PDE6C: variants seen among roughly 807,000 people sequenced by gnomAD.
The protein encoded by PDE6C is cone cGMP-specific 3',5'-cyclic phosphodiesterase subunit alpha'.
A neutral mutation model predicts 113.1 loss-of-function variants in PDE6C; 75 were observed. The observed-to-expected ratio is 0.66, with a 90% CI of 0.55 to 0.80. The LOEUF (loss-of-function observed/expected upper bound fraction) is 0.80, where lower values mean the gene tolerates loss of function less well. Among genes scored for constraint, PDE6C ranks in the 30% least tolerant of loss-of-function variants. The pLI, the probability that PDE6C is intolerant of heterozygous loss-of-function variation, is 0.00. For synonymous variants in PDE6C, 375 were observed against 363.7 expected, an observed-to-expected ratio of 1.03 and a Z score of -0.35; for missense variants, 912 against 1,038.6, an observed-to-expected ratio of 0.88 and a Z score of 1.67.
chr10:93,665,922 T>C lies in PDE6C; in HGVS notation c.*504T>C. 5.2e-6 allele frequency: 1 copy of C among 193,032 alleles called. No homozygotes were observed. The highest frequency in any genetic ancestry group is 1.1e-5 in the Non-Finnish European group (1 of 94,478). 12.0% of individuals were successfully genotyped at this position (193,032 alleles called of 1,614,324 possible). ...TCTGTGTGTCTGTGTCCTAATCTCC[T>C]TTTCTTATAAGGACTCCAGTAGGAC... On this transcript the variant is annotated 3_prime_UTR_variant, in exon 22 of 22. Coordinates refer to ENST00000371447, the MANE Select transcript of PDE6C (RefSeq NM_006204.4).
At chr10:93,613,286 T>C in intron 1 of PDE6C, 81 bp downstream of exon 1, 1 of 1,577,528 alleles carries the variant, frequency 6.3e-7, no homozygotes, top group Non-Finnish European at 8.6e-7. Flanking sequence ...AGTGCTATCC[T>C]TGTGGCATTA....
intron 18 of PDE6C, among the ~76,000 whole-genome samples, chr10:93,660,422 T>G (rs1458007978): frequency 6.6e-6 from 1 of 152,162 alleles, no homozygotes; most frequent in Admixed American, 6.5e-5. Context: ...GTTCAGATTC[T>G]TCTTGGCATC....
intron 21 of PDE6C, 59 bp downstream of exon 21, chr10:93,663,237 T>G: frequency 6.5e-7 from 1 of 1,535,650 alleles, no homozygotes; most frequent in Admixed American, 1.8e-5. Flanking sequence ...CTGAGCTTAA[T>G]GGCATGTGAC....
At chr10:93,620,212 A>G (rs558229083) in intron 1 of PDE6C, among the ~76,000 whole-genome samples, 1 of 152,266 alleles carries the variant, frequency 6.6e-6, no homozygotes, top group South Asian at 2.1e-4. Context: ...TTTCAAGTGC[A>G]TGTTTTCCCT....
intron 14 of PDE6C, among the ~76,000 whole-genome samples, chr10:93,641,403 C>G (rs1450571357): frequency 1.3e-5 from 2 of 151,956 alleles, no homozygotes; most frequent in Non-Finnish European, 2.9e-5. Flanking sequence ...GAGAGTGAGG[C>G]GGGCGGATCA....
chr10:93,648,875 T>C (rs2058596343), intron 15 of PDE6C, among the ~76,000 whole-genome samples: 1 of 152,220 alleles, frequency 6.6e-6, no homozygotes, highest in Non-Finnish European at 1.5e-5. Context: ...ATTTATGCTT[T>C]TTCATATCAA....
At chr10:93,645,646 C>A (rs2058580413) in intron 14 of PDE6C, among the ~76,000 whole-genome samples, 1 of 152,018 alleles carries the variant, frequency 6.6e-6, no homozygotes, top group African/African-American at 2.4e-5. Context: ...CACATGTTTG[C>A]TATATGTTTT....
intron 15 of PDE6C, among the ~76,000 whole-genome samples, chr10:93,652,752 C>T (rs142130222): frequency 1.2e-3 from 186 of 152,166 alleles, no homozygotes; most frequent in South Asian, 3.5e-3. Flanking sequence ...CAACAAGTGT[C>T]CAGGTTTACA....
At chr10:93,636,158 G>C (rs1017218649) in intron 10 of PDE6C, among the ~76,000 whole-genome samples, 1 of 152,148 alleles carries the variant, frequency 6.6e-6, no homozygotes, top group African/African-American at 2.4e-5. Context: ...AAGTGCAAGA[G>C]AGCAAACCTA....
chr10:93,653,971 T>A (rs879697575), intron 15 of PDE6C, among the ~76,000 whole-genome samples: 1 of 152,250 alleles, frequency 6.6e-6, no homozygotes, highest in African/African-American at 2.4e-5. Flanking sequence ...TATTGCTTTC[T>A]AATATTTCAA....
Position 93,657,685 on chromosome 10 carries a change from C to G in PDE6C, c.2037-1216C>G, listed in dbSNP as rs74154004. Among the ~76,000 whole-genome samples the G allele has an allele frequency of 6.2e-3, 946 of 152,222 alleles. 9 individuals are homozygous for G. The highest frequency in any genetic ancestry group is 0.022 in the African/African-American group (912 of 41,534). ...ATTTACCCAGTCTTCTATTCATAGA[C>G]ATTTCAATTGTTTCTAATTTTTCAT... On this transcript the variant is annotated intron_variant, in intron 16 of 21. Transcript: ENST00000371447.
chr10:93,625,209 C>G (rs1589694486), intron 4 of PDE6C, among the ~76,000 whole-genome samples: 1 of 152,296 alleles, frequency 6.6e-6, no homozygotes, highest in Non-Finnish European at 1.5e-5. Flanking sequence ...TTTTGCCACT[C>G]TGTGTGACCT....
chr10:93,618,260 T>G (rs2058429478), intron 1 of PDE6C, among the ~76,000 whole-genome samples: 1 of 152,186 alleles, frequency 6.6e-6, no homozygotes, highest in South Asian at 2.1e-4. Flanking sequence ...TTCCTAGTAC[T>G]TACTGAATAC....
chr10:93,624,666 G>A (rs2058463797), intron 4 of PDE6C, among the ~76,000 whole-genome samples: 1 of 152,186 alleles, frequency 6.6e-6, no homozygotes, highest in Non-Finnish European at 1.5e-5. Context: ...CTTTGTAGCT[G>A]AGTATGTTGG....
chr10:93,632,114 C>T (rs2058504701), intron 8 of PDE6C, among the ~76,000 whole-genome samples: 1 of 152,222 alleles, frequency 6.6e-6, no homozygotes, highest in Non-Finnish European at 1.5e-5. Context: ...CACCATCACT[C>T]TGACCTTGCT....
At chr10:93,648,952 C>A (rs1325562370) in intron 15 of PDE6C, among the ~76,000 whole-genome samples, 1 of 152,134 alleles carries the variant, frequency 6.6e-6, no homozygotes, top group African/African-American at 2.4e-5. Context: ...TGTGTACTGG[C>A]ACTAGCAAGG....
chr10:93,654,769 TC>T, intron 15 of PDE6C, among the ~76,000 whole-genome samples: 1 of 46,800 alleles, frequency 2.1e-5, no homozygotes, highest in South Asian at 8.4e-4. Context: ...TTTCTTTCTT[TC>T]TTTCTTTCTT....
At chr10:93,623,666 T>A (rs920593336) in intron 4 of PDE6C, among the ~76,000 whole-genome samples, 10 of 152,234 alleles carry the variant, frequency 6.6e-5, no homozygotes, top group African/African-American at 2.4e-4. Context: ...TAGATTCACT[T>A]TTTTTACATG....
At chr10:93,626,504 G>A in intron 5 of PDE6C, 136 bp from the exon 6 acceptor site, 2 of 640,118 alleles carry the variant, frequency 3.1e-6, no homozygotes, top group Non-Finnish European at 5.6e-6. Context: ...TAAGTAGTTT[G>A]ATAATTTATG....
Sources: allele counts gnomAD v4.1 joint callset (sites outside exome capture counted in the v4.1 genomes callset), GRCh38; gene constraint gnomAD v4.1.1; transcripts MANE v1.5; gene names NCBI Gene and HGNC (gene_info 2026-07-23, HGNC 2026-07-21).